GALNT7: variants seen among roughly 807,000 people sequenced by gnomAD.
GALNT7 encodes the protein polypeptide N-acetylgalactosaminyltransferase 7.
In GALNT7, 60 loss-of-function variants were observed where a neutral mutation model predicts 82.1. The ratio of observed to expected loss-of-function variants is 0.73; its 90% CI spans 0.59 to 0.91. GALNT7 has a LOEUF of 0.91. Ranked by LOEUF, GALNT7 falls within the 40% of genes least tolerant of loss-of-function variation. The pLI, the probability that GALNT7 is intolerant of heterozygous loss-of-function variation, is 0.00. For missense variants in GALNT7, 660 were observed against 804.2 expected (o/e 0.82, Z 2.17); for synonymous variants, 243 against 275.1 (o/e 0.88, Z 1.15).
rs372233015 is a variant in GALNT7 at position 173,169,132 on chromosome 4, G to A, written c.126+171G>A. 1.3e-3 allele frequency: 458 copies of A among 359,510 alleles called. 19 individuals carry two copies. In the East Asian group the frequency reaches 0.015, roughly 12 times the overall value. The allele number at this position is 359,510 out of a possible 1,614,324, so 22.3% of individuals were successfully genotyped here. ...GGGGGTGCCGAGCCCCGCGCACTCC[G>A]ACCTCCCTGGCCGCCGCCGGCCCGC... On this transcript the variant is annotated intron_variant, in intron 1 of 11. Coordinates refer to ENST00000265000, the MANE Select transcript of GALNT7 (RefSeq NM_017423.3).
chr4:173,224,839 C>T (rs1019699749), intron 1 of GALNT7, among the ~76,000 whole-genome samples: 13 of 151,418 alleles, frequency 8.6e-5, no homozygotes, highest in Middle Eastern at 3.4e-3. Context: ...GGTGAAACCC[C>T]GTCTCTACTA....
At chr4:173,206,312 T>G (rs759600991) in intron 1 of GALNT7, among the ~76,000 whole-genome samples, 1 of 152,220 alleles carries the variant, frequency 6.6e-6, no homozygotes, top group African/African-American at 2.4e-5. Flanking sequence ...CTTCCTACCT[T>G]CTTCAATGCT....
At chr4:173,229,730 G>A (rs1057477280) in intron 1 of GALNT7, among the ~76,000 whole-genome samples, 1 of 152,120 alleles carries the variant, frequency 6.6e-6, no homozygotes, top group African/African-American at 2.4e-5. Flanking sequence ...AATCATGCTT[G>A]TTTCATTGTA....
intron 2 of GALNT7, among the ~76,000 whole-genome samples, chr4:173,279,189 G>A (rs1736020757): frequency 6.6e-6 from 1 of 152,180 alleles, no homozygotes; most frequent in Admixed American, 6.5e-5. Flanking sequence ...ACTGACATAT[G>A]CCTGGCTTTG....
chr4:173,321,600 T>G lies in GALNT7; in HGVS notation c.1857T>G (p.His619Gln). 1 of 1,612,138 alleles carries G rather than the reference T, an allele frequency of 6.2e-7. No homozygotes were observed. Among genetic ancestry groups the G allele is most frequent in the Non-Finnish European group, 8.5e-7 (1 of 1,178,322 alleles). Residue 619 changes from histidine to glutamine, a missense_variant, in exon 12 of 12, where the codon CAT (histidine) becomes CAG (glutamine). His to Gln is a conservative substitution (Grantham distance 24, BLOSUM62 0). This residue lies in a region of GALNT7 where 527 missense variants were observed against 683.5 expected (regional missense o/e 0.77). Transcript: ENST00000265000. ...TCCAGAACCTGCACAGATTTACTCA[T>G]ATTCCTTCAGGAAAGTGTTTAGATC... is the stretch of plus-strand genomic sequence containing the variant. ...QYFKNLHRFT[H>Q]IPSGKCLDRS...
intron 1 of GALNT7, among the ~76,000 whole-genome samples, chr4:173,178,317 G>T (rs975919012): frequency 2.4e-4 from 36 of 151,968 alleles, no homozygotes; most frequent in Admixed American, 2.4e-3. Context: ...GCAAAACTAT[G>T]CTATTCTCAG....
chr4:173,243,887 T>G (rs1352822420), intron 1 of GALNT7, among the ~76,000 whole-genome samples: 6 of 152,184 alleles, frequency 3.9e-5, no homozygotes, highest in Non-Finnish European at 5.9e-5. Flanking sequence ...TTATCTCCCC[T>G]TTTCTTTTCG....
chr4:173,237,989 C>G (rs1734291724), intron 1 of GALNT7, among the ~76,000 whole-genome samples: 1 of 152,080 alleles, frequency 6.6e-6, no homozygotes, highest in Admixed American at 6.6e-5. Flanking sequence ...AAGCCATTCC[C>G]CTTTCTCCAC....
At chr4:173,277,182 T>C (rs766521000) in intron 2 of GALNT7, among the ~76,000 whole-genome samples, 15 of 152,236 alleles carry the variant, frequency 9.9e-5, no homozygotes, top group Non-Finnish European at 2.2e-4. Context: ...TCTGTTTAAC[T>C]AGTTTAACCT....
intron 11 of GALNT7, among the ~76,000 whole-genome samples, chr4:173,319,532 A>T (rs1289214928): frequency 6.6e-6 from 1 of 152,190 alleles, no homozygotes; most frequent in Non-Finnish European, 1.5e-5. Flanking sequence ...TTCACAAAAA[A>T]AAAGGATATA....
At chr4:173,218,785 C>T (rs917205528) in intron 1 of GALNT7, among the ~76,000 whole-genome samples, 3 of 152,108 alleles carry the variant, frequency 2.0e-5, no homozygotes, top group African/African-American at 7.2e-5. Context: ...TTGTCAGTTG[C>T]CCAGTGCTTC....
chr4:173,242,529 T>C (rs1355341604), intron 1 of GALNT7, among the ~76,000 whole-genome samples: 1 of 152,220 alleles, frequency 6.6e-6, no homozygotes, highest in Non-Finnish European at 1.5e-5. Context: ...CTTGGGCTTA[T>C]CCATTTTAAG....
At chr4:173,228,597 T>A (rs1733917960) in intron 1 of GALNT7, among the ~76,000 whole-genome samples, 1 of 152,124 alleles carries the variant, frequency 6.6e-6, no homozygotes, top group South Asian at 2.1e-4. Flanking sequence ...ATTGTGTCCC[T>A]AGAATATATT....
rs79482462 is a variant in GALNT7 at position 173,176,774 on chromosome 4, A to G, written c.126+7813A>G. On this transcript the variant is annotated intron_variant, in intron 1 of 11. Transcript: ENST00000265000. ...AATCCTGGGGACTACATGGCTGAAAATTGGGTTGGAGAGGGGTGGAATGGA... is the reference window on the plus strand; with the variant it reads ...AATCCTGGGGACTACATGGCTGAAAGTTGGGTTGGAGAGGGGTGGAATGGA... 1.6e-4 allele frequency among the ~76,000 whole-genome samples: 24 copies of G among 152,294 alleles called. No homozygotes were observed. The East Asian group carries it at 4.1e-3, about 26-fold the overall frequency.
intron 6 of GALNT7, among the ~76,000 whole-genome samples, chr4:173,301,405 A>C (rs187550042): frequency 6.6e-6 from 1 of 152,258 alleles, no homozygotes; most frequent in Non-Finnish European, 1.5e-5. Flanking sequence ...TTGGACCTAA[A>C]AAGTGTCCAA....
intron 1 of GALNT7, among the ~76,000 whole-genome samples, chr4:173,172,659 C>T (rs780537557): frequency 5.3e-5 from 8 of 152,024 alleles, no homozygotes; most frequent in African/African-American, 9.7e-5. Context: ...ACTTTTGAGG[C>T]GAAATCTGAA....
chr4:173,279,812 A>C (rs1018701374), intron 2 of GALNT7, among the ~76,000 whole-genome samples: 1 of 152,036 alleles, frequency 6.6e-6, no homozygotes, highest in Non-Finnish European at 1.5e-5. Context: ...GTCTCTACTA[A>C]AAATACAAAA....
intron 1 of GALNT7, among the ~76,000 whole-genome samples, chr4:173,247,382 C>T (rs1457960606): frequency 6.6e-6 from 1 of 150,578 alleles, no homozygotes; most frequent in African/African-American, 2.4e-5. Context: ...CCCGAGCTGA[C>T]TTAGTTACAG....
At chr4:173,229,576 C>T (rs536866546) in intron 1 of GALNT7, among the ~76,000 whole-genome samples, 1 of 152,090 alleles carries the variant, frequency 6.6e-6, no homozygotes, top group African/African-American at 2.4e-5. Context: ...TGAATCCTAC[C>T]TTTACTGCCT....
Sources: gnomAD v4.1 joint callset for allele counts (sites outside exome capture counted in the v4.1 genomes callset) on GRCh38, gnomAD v4.1.1 for gene constraint, gnomAD v4.1.1 regional missense constraint, MANE v1.5 for transcripts, NCBI Gene and HGNC (gene_info 2026-07-23, HGNC 2026-07-21) for gene names.